Variants in FADS2 observed in about 807,000 individuals in gnomAD.
FADS2 encodes acyl-CoA 6-desaturase.
Under a neutral mutation model 61.2 loss-of-function variants are expected in FADS2, and 18 were observed. The ratio of observed to expected loss-of-function variants is 0.29; its 90% CI spans 0.20 to 0.44. The LOEUF is 0.44. Among genes scored for constraint, FADS2 ranks in the 20% least tolerant of loss-of-function variants. FADS2 has a pLI of 1.00. For missense variants in FADS2, 322 were observed against 572.7 expected, an observed-to-expected ratio of 0.56 and a Z score of 4.47; for synonymous variants, 203 against 223.9, an observed-to-expected ratio of 0.91 and a Z score of 0.83.
At chr11:61,835,547 C>A (rs1199876267) in intron 1 of FADS2, among the ~76,000 whole-genome samples, 1 of 151,714 alleles carries the variant, frequency 6.6e-6, no homozygotes, top group Non-Finnish European at 1.5e-5. Flanking sequence ...GCGTGTGCCA[C>A]CACACCTGGC....
chr11:61,863,695 C>T lies in FADS2; in HGVS notation c.1078-12C>T. On this transcript the variant is annotated splice_polypyrimidine_tract_variant and intron_variant, in intron 9 of 11. Coordinates refer to ENST00000278840, the MANE Select transcript of FADS2 (RefSeq NM_004265.4). ...TCCTTTGTTCCCTGACACTCATCCC[C>T]TCCACTGACAGCTGACAGCCACCTG... 1.2e-6 allele frequency: 2 copies of T among 1,612,502 alleles called. No homozygotes were observed. The highest frequency in any genetic ancestry group is 1.7e-6 in the Non-Finnish European group (2 of 1,178,514).
chr11:61,824,499 A>AT, upstream of FADS2, among the ~76,000 whole-genome samples: 1 of 9,736 alleles, frequency 1.0e-4, no homozygotes, highest in Non-Finnish European at 6.7e-4. Context: ...AGAAAGAAAG[A>AT]AAGGAAAGAA....
intron 7 of FADS2, chr11:61,862,564 A>C: frequency 4.4e-6 from 1 of 225,966 alleles, no homozygotes; most frequent in Non-Finnish European, 8.8e-6. Context: ...CTGGAAGGAG[A>C]TGCCAGGAGG....
upstream of FADS2, among the ~76,000 whole-genome samples, chr11:61,823,497 G>C (rs896396843): frequency 6.6e-6 from 1 of 152,180 alleles, no homozygotes; most frequent in Admixed American, 6.5e-5. Flanking sequence ...TGTCCACCTA[G>C]AGATAATAAC....
At chr11:61,843,393 A>G (rs2067231682) in intron 4 of FADS2, among the ~76,000 whole-genome samples, 1 of 152,196 alleles carries the variant, frequency 6.6e-6, no homozygotes, top group African/African-American at 2.4e-5. Flanking sequence ...TGGTGCCACT[A>G]CATTCCAGCA....
At chr11:61,847,760 T>C in intron 4 of FADS2, 1 of 214,714 alleles carries the variant, frequency 4.7e-6, no homozygotes, top group Non-Finnish European at 9.5e-6. Context: ...GGGAGATTTC[T>C]GGGCCACATA....
At chr11:61,826,788 GC>G (rs1192121477), upstream of FADS2, among the ~76,000 whole-genome samples, 1 of 151,938 alleles carries the variant, frequency 6.6e-6, no homozygotes, top group Non-Finnish European at 1.5e-5. Context: ...GAGCCCATCT[GC>G]CCCCCCAAGT....
intron 3 of FADS2, 34 bp downstream of exon 3, chr11:61,840,565 C>G (rs763604784): frequency 1.2e-6 from 2 of 1,613,620 alleles, no homozygotes; most frequent in Non-Finnish European, 1.7e-6. Flanking sequence ...CCCTAGCTGA[C>G]AGAGGCCTGG....
upstream of FADS2, chr11:61,828,241 AG>A (rs1290326956): frequency 4.9e-6 from 7 of 1,432,946 alleles, no homozygotes; most frequent in African/African-American, 1.0e-4. This position sits in a 1 kb window ranked among gnomAD's most constrained non-coding sequence, Gnocchi z 6.4. Flanking sequence ...AGGCTGGGGG[AG>A]GGGGCGCGGT....
intron 5 of FADS2, among the ~76,000 whole-genome samples, chr11:61,853,259 T>TTCCC (rs2067324235): frequency 9.2e-6 from 1 of 108,718 alleles, no homozygotes; most frequent in African/African-American, 5.1e-5. Context: ...CTCTCTTTCT[T>TTCCC]TCTCTCCCTC....
chr11:61,829,586 G>C (rs114144973), intron 1 of FADS2, among the ~76,000 whole-genome samples: 168 of 152,262 alleles, frequency 1.1e-3, no homozygotes, highest in African/African-American at 4.0e-3. Flanking sequence ...CCATGGATTC[G>C]AATGGGCCAG....
At chr11:61,833,166 G>A (rs920817334) in intron 1 of FADS2, among the ~76,000 whole-genome samples, 3 of 152,156 alleles carry the variant, frequency 2.0e-5, no homozygotes, top group African/African-American at 7.2e-5. Flanking sequence ...CTGCCGAGGC[G>A]GGTGCATCTC....
chr11:61,833,276 C>A (rs2067144085), intron 1 of FADS2, among the ~76,000 whole-genome samples: 1 of 152,214 alleles, frequency 6.6e-6, no homozygotes, highest in Non-Finnish European at 1.5e-5. Context: ...AGGATAGAGC[C>A]TGGTTCCAAT....
In FADS2 at chr11:61,840,840, T is replaced by C. The variant is rs2067212577; in HGVS notation, c.618+115T>C. Reference sequence around the variant, plus strand: ...TACAGGGTGACAAGGCAGGTGTGCCTATGCTGAGGGCCATGGTGACTCTCC... The same window carrying C: ...TACAGGGTGACAAGGCAGGTGTGCCCATGCTGAGGGCCATGGTGACTCTCC... On this transcript the variant is annotated intron_variant, in intron 4 of 11. Coordinates refer to ENST00000278840, the MANE Select transcript of FADS2 (RefSeq NM_004265.4). 10 of 792,964 alleles carry C rather than the reference T, an allele frequency of 1.3e-5. No homozygotes were observed. The Admixed American group carries it at 1.3e-4, about 10-fold the overall frequency. The allele number at this position is 792,964 out of a possible 1,614,324, so 49.1% of individuals were successfully genotyped here.
In FADS2 at chr11:61,862,815, G is replaced by A. The variant is rs562234683; in HGVS notation, c.883-157G>A. On this transcript the variant is annotated intron_variant, in intron 7 of 11. Transcript: ENST00000278840. ...AAACAAAGGCAGCCATGCAAACCCC[G>A]AGCAAGCAGGTGGCGTGTAGTTGCC... is the stretch of plus-strand genomic sequence containing the variant. The A allele has an allele frequency of 1.6e-4, 102 of 642,138 alleles. 1 individual carries two copies. The highest frequency in any genetic ancestry group is 1.6e-3 in the South Asian group (85 of 54,802). The allele number at this position is 642,138 out of a possible 1,614,324, so 39.8% of individuals were successfully genotyped here. A position where few individuals can be genotyped will look rare whatever the true frequency, so the allele number is the denominator to read the frequency against.
intron 5 of FADS2, chr11:61,856,762 G>A (rs1054116965): frequency 1.9e-6 from 1 of 526,058 alleles, no homozygotes; most frequent in Non-Finnish European, 3.4e-6. Context: ...GCCTTGTAGA[G>A]GATCGATGCC....
At chr11:61,846,077 A>G (rs1046043575) in intron 4 of FADS2, among the ~76,000 whole-genome samples, 1 of 151,690 alleles carries the variant, frequency 6.6e-6, no homozygotes, top group Non-Finnish European at 1.5e-5. Flanking sequence ...TTTGACAACA[A>G]ACGCAAATGT....
At chr11:61,830,678 A>T (rs1354937104) in intron 1 of FADS2, among the ~76,000 whole-genome samples, 1 of 152,228 alleles carries the variant, frequency 6.6e-6, no homozygotes, top group Non-Finnish European at 1.5e-5. Flanking sequence ...GGCTGCAAAC[A>T]GATCTAGAAT....
chr11:61,849,377 G>T (rs1002981928), intron 5 of FADS2, among the ~76,000 whole-genome samples: 16 of 152,120 alleles, frequency 1.1e-4, no homozygotes, highest in Non-Finnish European at 2.2e-4. Context: ...ATTAAAACAC[G>T]AGTCTCAGCC....
Sources: allele counts gnomAD v4.1 joint callset (sites outside exome capture counted in the v4.1 genomes callset), GRCh38; gene constraint gnomAD v4.1.1; non-coding constraint Gnocchi (gnomAD v3.1); transcripts MANE v1.5; gene names NCBI Gene and HGNC (gene_info 2026-07-23, HGNC 2026-07-21).